The following DAB1 variants were observed in gnomAD, a reference collection of about 807,000 sequenced individuals.
DAB1 encodes DAB adaptor protein 1.
Under a neutral mutation model 64.6 loss-of-function variants are expected in DAB1, and 15 were observed. The observed-to-expected ratio is 0.23, with a 90% CI of 0.16 to 0.36. DAB1 has a LOEUF of 0.36. DAB1 is among the 10% of genes least tolerant of loss of function. DAB1 has a pLI of 1.00. For missense variants in DAB1, 596 were observed against 706.7 expected (o/e 0.84, Z 1.78); for synonymous variants, 235 against 251.9 (o/e 0.93, Z 0.64).
Position 57,462,840 on chromosome 1 carries a change from T to C in DAB1, n.626-171674A>G, listed in dbSNP as rs1686831488. Reference sequence around the variant, plus strand: ...TAATGTAGTGCTTGCAGAGCACTAATCCAGGGATGTAAATAGGATGGCCTA... The same window carrying C: ...TAATGTAGTGCTTGCAGAGCACTAACCCAGGGATGTAAATAGGATGGCCTA... On this transcript the variant is annotated intron_variant and non_coding_transcript_variant, in intron 7 of 20. Coordinates refer to the DAB1 transcript ENST00000485760. 2.6e-5 allele frequency among the ~76,000 whole-genome samples: 4 copies of C among 152,112 alleles called. No individual in the cohort carries two copies. In the South Asian group the frequency reaches 8.3e-4, roughly 32 times the overall value.
In DAB1 at chr1:57,464,699, T is replaced by C. The variant is rs1686897850; in HGVS notation, n.626-173533A>G. ...ATTCAAAAGATCTCCAAGCACTTAATAAGAAATTCTTCCTGGAGTCTTATC... is the reference window on the plus strand; with the variant it reads ...ATTCAAAAGATCTCCAAGCACTTAACAAGAAATTCTTCCTGGAGTCTTATC... On this transcript the variant is annotated intron_variant and non_coding_transcript_variant, in intron 7 of 20. Coordinates refer to the DAB1 transcript ENST00000485760. Among the ~76,000 whole-genome samples, 4 of 152,152 alleles carry C rather than the reference T, an allele frequency of 2.6e-5. No homozygotes were observed. The South Asian group carries it at 8.3e-4, about 32-fold the overall frequency.
At chr1:57,619,785 C>T (rs954694253) in intron 7 of DAB1, among the ~76,000 whole-genome samples, 13 of 152,074 alleles carry the variant, frequency 8.5e-5, no homozygotes, top group Non-Finnish European at 1.8e-4. Flanking sequence ...AGGGACAATC[C>T]TTCTTTGTCC....
intron 4 of DAB1, among the ~76,000 whole-genome samples, chr1:58,164,875 C>A (rs527530943): frequency 6.6e-6 from 1 of 152,116 alleles, no homozygotes; most frequent in Non-Finnish European, 1.5e-5. Context: ...CAGAAGATTA[C>A]TTTAGAATAG....
intron 3 of DAB1, among the ~76,000 whole-genome samples, chr1:58,427,832 T>C (rs1279714763): frequency 6.6e-6 from 1 of 152,084 alleles, no homozygotes; most frequent in Non-Finnish European, 1.5e-5. Context: ...AAGATAAAAA[T>C]GTAAGGGTCA....
intron 4 of DAB1, among the ~76,000 whole-genome samples, chr1:58,211,209 A>G (rs576586496): frequency 1.7e-4 from 26 of 152,276 alleles, no homozygotes; most frequent in African/African-American, 6.3e-4. Flanking sequence ...TTTATCTTGA[A>G]AAAGAAATAT....
intron 4 of DAB1, among the ~76,000 whole-genome samples, chr1:57,074,078 C>A (rs1392731391): frequency 6.6e-6 from 1 of 152,124 alleles, no homozygotes; most frequent in Non-Finnish European, 1.5e-5. Flanking sequence ...CCATGTTGCC[C>A]AGGCTGGTCT....
intron 2 of DAB1, among the ~76,000 whole-genome samples, chr1:58,525,299 A>G (rs1646332043): frequency 6.6e-6 from 1 of 152,048 alleles, no homozygotes; most frequent in Non-Finnish European, 1.5e-5. Context: ...CTTCCAATAT[A>G]TTTATTGAAA....
chr1:58,087,956 C>T (rs919006363), intron 5 of DAB1, among the ~76,000 whole-genome samples: 1 of 152,116 alleles, frequency 6.6e-6, no homozygotes, highest in Non-Finnish European at 1.5e-5. Context: ...CCTGGTGTTC[C>T]CACTCTGCTG....
At chr1:58,468,564 A>T (rs1645320451) in intron 3 of DAB1, 1 of 152,242 alleles carries the variant, frequency 6.6e-6, no homozygotes, top group Non-Finnish European at 1.5e-5. Context: ...TTAGCTGTGC[A>T]TGAGATGTAT....
intron 5 of DAB1, among the ~76,000 whole-genome samples, chr1:57,960,467 C>A (rs1645491229): frequency 6.8e-6 from 1 of 147,566 alleles, no homozygotes; most frequent in Non-Finnish European, 1.5e-5. Flanking sequence ...TCCCAAGAAG[C>A]TCATTAGTCC....
At chr1:57,502,953 T>C (rs1644306725) in intron 7 of DAB1, among the ~76,000 whole-genome samples, 1 of 152,226 alleles carries the variant, frequency 6.6e-6, no homozygotes, top group South Asian at 2.1e-4. Flanking sequence ...TTATGTACAT[T>C]AACTCTTCTC....
chr1:58,004,289 GC>G (rs1162469454), intron 5 of DAB1, among the ~76,000 whole-genome samples: 1 of 152,194 alleles, frequency 6.6e-6, no homozygotes, highest in African/African-American at 2.4e-5. Flanking sequence ...GAGGCTAAGT[GC>G]CCTGGCTGAG....
intron 1 of DAB1, among the ~76,000 whole-genome samples, chr1:57,301,642 G>A (rs151173698): frequency 2.2e-3 from 341 of 152,182 alleles, no homozygotes; most frequent in African/African-American, 7.8e-3. Flanking sequence ...AATATATACC[G>A]CCATTATTTA....
intron 2 of DAB1, among the ~76,000 whole-genome samples, chr1:57,251,094 T>C (rs539356972): frequency 2.6e-5 from 4 of 152,348 alleles, no homozygotes; most frequent in Admixed American, 2.0e-4. Flanking sequence ...TATATTATTG[T>C]ACATGGTTTT....
At chr1:58,287,751 G>T (rs935822770) in intron 4 of DAB1, among the ~76,000 whole-genome samples, 1 of 152,130 alleles carries the variant, frequency 6.6e-6, no homozygotes, top group Non-Finnish European at 1.5e-5. Flanking sequence ...TCCAGGCGTG[G>T]TGGCTCATGC....
At chr1:58,111,863 A>T (rs1212419146) in intron 5 of DAB1, among the ~76,000 whole-genome samples, 1 of 152,104 alleles carries the variant, frequency 6.6e-6, no homozygotes, top group African/African-American at 2.4e-5. Flanking sequence ...AAGTAGCCAG[A>T]AGTTTAGTTT....
At chr1:57,325,540 C>A (rs1457273151) in intron 1 of DAB1, among the ~76,000 whole-genome samples, 1 of 152,222 alleles carries the variant, frequency 6.6e-6, no homozygotes, top group African/African-American at 2.4e-5. Flanking sequence ...ATTATTATAA[C>A]TGGATGTTTA....
intron 4 of DAB1, among the ~76,000 whole-genome samples, chr1:58,185,274 T>C (rs1439608322): frequency 6.6e-6 from 1 of 152,186 alleles, no homozygotes; most frequent in East Asian, 1.9e-4. Context: ...TGTCATGGGT[T>C]TATGGTCTCA....
At position 57,951,317 on chromosome 1, in the gene DAB1, C is replaced by CATATATAT. The variant is rs150140800; in HGVS notation, n.388-67163_388-67156dup. 4.3e-3 allele frequency among the ~76,000 whole-genome samples: 298 copies of CATATATAT among 69,872 alleles called. 48 individuals carry two copies. Among genetic ancestry groups the CATATATAT allele is most frequent in the African/African-American group, 3.9e-3 (94 of 24,292 alleles). 45.8% of individuals were successfully genotyped at this position (69,872 alleles called of 152,430 possible). On this transcript the variant is annotated intron_variant and non_coding_transcript_variant, in intron 5 of 20. Transcript: ENST00000485760. ...CAGATCCGGGAAGAGGAGCCTGATT[C>CATATATAT]ATATATATATATATACTTCCCTGGA...
Sources: allele counts gnomAD v4.1 joint callset (sites outside exome capture counted in the v4.1 genomes callset), GRCh38; gene constraint gnomAD v4.1.1; transcripts MANE v1.5; gene names NCBI Gene and HGNC (gene_info 2026-07-23, HGNC 2026-07-21).